CDH18: variants seen among roughly 807,000 people sequenced by gnomAD.
CDH18 encodes cadherin-18.
CDH18 carries 31 observed loss-of-function variants against 67.9 expected under a neutral mutation model. The observed-to-expected ratio is 0.46, with a 90% CI of 0.34 to 0.62. The LOEUF (loss-of-function observed/expected upper bound fraction) is 0.62. Ranked by LOEUF, CDH18 falls within the 20% of genes least tolerant of loss-of-function variation. The pLI is 0.01. For missense variants in CDH18, 890 were observed against 975.5 expected (o/e 0.91, Z 1.17); for synonymous variants, 362 against 347.2 (o/e 1.04, Z -0.48).
At chr5:19,811,582 C>T (rs1000859739) in intron 3 of CDH18, among the ~76,000 whole-genome samples, 6 of 151,966 alleles carry the variant, frequency 3.9e-5, no homozygotes, top group African/African-American at 7.3e-5. Flanking sequence ...TACTTTGTTA[C>T]GGCAGCTCTA....
chr5:20,324,297 T>C (rs530528526), intron 1 of CDH18, among the ~76,000 whole-genome samples: 2 of 152,166 alleles, frequency 1.3e-5, no homozygotes, highest in East Asian at 1.9e-4. Context: ...CCCAGCACTT[T>C]GGGAGGCTGA....
intron 1 of CDH18, among the ~76,000 whole-genome samples, chr5:20,343,500 G>C (rs1218491111): frequency 2.0e-5 from 3 of 152,034 alleles, no homozygotes; most frequent in Admixed American, 6.6e-5. Flanking sequence ...AAATATATGT[G>C]GCTAGGGAGG....
intron 2 of CDH18, among the ~76,000 whole-genome samples, chr5:20,080,030 A>C (rs1257093037): frequency 6.6e-6 from 1 of 152,164 alleles, no homozygotes; most frequent in African/African-American, 2.4e-5. Context: ...AAATAACATC[A>C]CATTGGCAAT....
At chr5:19,748,822 T>C (rs1770463886) in intron 3 of CDH18, among the ~76,000 whole-genome samples, 1 of 152,034 alleles carries the variant, frequency 6.6e-6, no homozygotes, top group South Asian at 2.1e-4. Flanking sequence ...GAAACATAAA[T>C]GATAGTATGG....
chr5:19,908,786 T>A (rs1213053791), intron 2 of CDH18, among the ~76,000 whole-genome samples: 1 of 152,204 alleles, frequency 6.6e-6, no homozygotes, highest in Non-Finnish European at 1.5e-5. Flanking sequence ...AATTATATTT[T>A]ATCAGGCCTG....
At chr5:19,845,108 A>T (rs1286321468) in intron 2 of CDH18, among the ~76,000 whole-genome samples, 3 of 152,174 alleles carry the variant, frequency 2.0e-5, no homozygotes, top group Non-Finnish European at 2.9e-5. Context: ...TCTTTTAAAA[A>T]ATATATATCC....
chr5:20,130,497 G>A (rs1454626250), intron 2 of CDH18, among the ~76,000 whole-genome samples: 2 of 148,694 alleles, frequency 1.3e-5, no homozygotes, highest in African/African-American at 5.0e-5. Context: ...TGATATAAAT[G>A]TTAATTTCAT....
At chr5:19,620,235 A>T (rs941791971) in intron 5 of CDH18, among the ~76,000 whole-genome samples, 25 of 152,230 alleles carry the variant, frequency 1.6e-4, no homozygotes, top group Non-Finnish European at 3.7e-4. Flanking sequence ...AGGATAATTC[A>T]CATGTTTTCT....
At chr5:20,499,351 G>C (rs1229891986) in intron 1 of CDH18, among the ~76,000 whole-genome samples, 1 of 151,934 alleles carries the variant, frequency 6.6e-6, no homozygotes, top group Non-Finnish European at 1.5e-5. Flanking sequence ...ATACTGTTTT[G>C]TGTTTTATAT....
rs1781991006 is a variant in CDH18, at chr5:19,839,034, CT to C, written c.-49del. Reference sequence around the variant, plus strand: ...CAGTTTTCCTTCCTTTCCTTGTCAGCTACGAAAGCTTAGTGAGCATTCAAGA... The same window carrying C: ...CAGTTTTCCTTCCTTTCCTTGTCAGCACGAAAGCTTAGTGAGCATTCAAGA... On this transcript the variant is annotated 5_prime_UTR_variant, in exon 3 of 13. The change abolishes the stop of an existing upstream ORF in the 5' untranslated region. Transcript: ENST00000382275. The C allele has an allele frequency of 6.8e-7, 1 of 1,477,500 alleles. No individual in the cohort carries two copies. Among genetic ancestry groups the C allele is most frequent in the African/African-American group, 1.4e-5 (1 of 72,274 alleles). 91.5% of individuals were successfully genotyped at this position (1,477,500 alleles called of 1,614,324 possible). A position where few individuals can be genotyped will look rare whatever the true frequency, so the allele number is the denominator to read the frequency against.
intron 1 of CDH18, among the ~76,000 whole-genome samples, chr5:20,317,527 G>A (rs1580737486): frequency 6.6e-6 from 1 of 152,014 alleles, no homozygotes; most frequent in East Asian, 1.9e-4. Context: ...TCTATATGGG[G>A]GCAAAATCAT....
chr5:20,331,960 A>G (rs1739231395), intron 1 of CDH18, among the ~76,000 whole-genome samples: 1 of 152,168 alleles, frequency 6.6e-6, no homozygotes. Context: ...GTATGCTTCA[A>G]GTCAAGCATG....
intron 2 of CDH18, among the ~76,000 whole-genome samples, chr5:20,033,559 G>A (rs1020862879): frequency 1.3e-5 from 2 of 152,030 alleles, no homozygotes; most frequent in African/African-American, 4.8e-5. Flanking sequence ...GCCTAATGTG[G>A]CTGTAGTGAT....
Position 20,235,392 on chromosome 5 carries a change from A to G in CDH18, c.-518+20052T>C, listed in dbSNP as rs1270938974. The stretch of plus-strand genomic sequence containing the variant: ...CAAAATATGAATTTAACAAAGGCCT[A>G]TTATCCAGAATATAATGAATTTAAG... On this transcript the variant is annotated intron_variant, in intron 2 of 14. Coordinates refer to the CDH18 transcript ENST00000507958. 2.6e-5 allele frequency among the ~76,000 whole-genome samples: 4 copies of G among 152,150 alleles called. No individual in the cohort carries two copies. The South Asian group carries it at 6.2e-4, about 24-fold the overall frequency.
intron 2 of CDH18, among the ~76,000 whole-genome samples, chr5:20,190,188 C>T (rs1281316639): frequency 6.6e-6 from 1 of 152,104 alleles, no homozygotes; most frequent in Non-Finnish European, 1.5e-5. Context: ...TAGTGCTGAG[C>T]TCTGCTCCAA....
intron 2 of CDH18, among the ~76,000 whole-genome samples, chr5:20,181,994 C>T (rs1376905173): frequency 1.3e-5 from 2 of 152,098 alleles, no homozygotes; most frequent in African/African-American, 4.8e-5. Context: ...ACATAAATTG[C>T]TGTTAGGCCT....
chr5:19,548,810 G>A (rs375067726), intron 8 of CDH18, among the ~76,000 whole-genome samples: 14 of 149,976 alleles, frequency 9.3e-5, no homozygotes, highest in African/African-American at 3.4e-4. Flanking sequence ...GAGTGCAATG[G>A]CACAATCTCA....
intron 1 of CDH18, among the ~76,000 whole-genome samples, chr5:20,511,253 T>C (rs1177461371): frequency 1.3e-5 from 2 of 152,206 alleles, no homozygotes; most frequent in East Asian, 3.8e-4. Flanking sequence ...ACTCATTAGA[T>C]AGATATTTCA....
chr5:20,507,711 TACC>T (rs1561076292), intron 1 of CDH18, among the ~76,000 whole-genome samples: 1 of 152,144 alleles, frequency 6.6e-6, no homozygotes, highest in Non-Finnish European at 1.5e-5. Flanking sequence ...ATGTTATTAT[TACC>T]ACATTTTTAA....
Sources: gnomAD v4.1 joint callset for allele counts (sites outside exome capture counted in the v4.1 genomes callset) on GRCh38, gnomAD v4.1.1 for gene constraint, MANE v1.5 for transcripts, NCBI Gene and HGNC (gene_info 2026-07-23, HGNC 2026-07-21) for gene names.